Variants in NEDD4L observed in about 807,000 individuals in gnomAD.
NEDD4L encodes NEDD4 like E3 ubiquitin protein ligase, also known as E3 ubiquitin-protein ligase NEDD4-like.
In NEDD4L, 54 loss-of-function variants were observed where a neutral mutation model predicts 148.9. That is an observed-to-expected ratio of 0.36 (90% CI 0.29 to 0.45). The LOEUF is 0.45. NEDD4L is among the 20% of genes least tolerant of loss of function. The pLI, the probability that NEDD4L is intolerant of heterozygous loss-of-function variation, is 1.00. For synonymous variants in NEDD4L, 433 were observed against 440.7 expected, an observed-to-expected ratio of 0.98 and a Z score of 0.22; for missense variants, 856 against 1,233.8, an observed-to-expected ratio of 0.69 and a Z score of 4.59.
chr18:58,237,699 CAT>C (rs765786004), intron 2 of NEDD4L, among the ~76,000 whole-genome samples: 60 of 152,288 alleles, frequency 3.9e-4, no homozygotes, highest in Non-Finnish European at 5.1e-4. Context: ...TTAGTCAACA[CAT>C]GTGTACACAG....
At chr18:58,067,747 T>C (rs2082674127) in intron 1 of NEDD4L, among the ~76,000 whole-genome samples, 1 of 152,154 alleles carries the variant, frequency 6.6e-6, no homozygotes, top group South Asian at 2.1e-4. Context: ...GAGAAAGGAA[T>C]GTTGTACAGT....
At chr18:58,300,310 G>T (rs145097611) in intron 5 of NEDD4L, among the ~76,000 whole-genome samples, 1 of 152,290 alleles carries the variant, frequency 6.6e-6, no homozygotes, top group East Asian at 1.9e-4. Context: ...ATTGTGTGAT[G>T]CAAATAGGAG....
chr18:58,143,415 A>T (rs1006454350), intron 1 of NEDD4L, among the ~76,000 whole-genome samples: 1 of 152,202 alleles, frequency 6.6e-6, no homozygotes, highest in Non-Finnish European at 1.5e-5. Context: ...TGTGATTCTC[A>T]TAAGTATCTT....
chr18:58,348,125 A>T (rs1008283824), intron 16 of NEDD4L, among the ~76,000 whole-genome samples: 13 of 151,626 alleles, frequency 8.6e-5, no homozygotes, highest in Admixed American at 8.5e-4. Context: ...TCAGCCTTTC[A>T]GGTAGCTAAG....
At chr18:58,166,372 A>G (rs1184659535) in intron 2 of NEDD4L, among the ~76,000 whole-genome samples, 1 of 152,012 alleles carries the variant, frequency 6.6e-6, no homozygotes, top group Non-Finnish European at 1.5e-5. Flanking sequence ...CAGCTTTTTT[A>G]TTTTCAGTAT....
At chr18:58,322,322 C>A in intron 6 of NEDD4L, 103 bp from the exon 7 acceptor site, 1 of 831,762 alleles carries the variant, frequency 1.2e-6, no homozygotes, top group Non-Finnish European at 2.0e-6. Context: ...AGCGGTGCCA[C>A]ATTCTAAAAT....
intron 26 of NEDD4L, among the ~76,000 whole-genome samples, chr18:58,386,924 G>A (rs903895309): frequency 3.3e-5 from 5 of 152,172 alleles, no homozygotes; most frequent in South Asian, 2.1e-4. Context: ...TCAGAAACGC[G>A]GCGTTCGCAG....
intron 1 of NEDD4L, among the ~76,000 whole-genome samples, chr18:58,142,378 C>T (rs1019104502): frequency 6.6e-6 from 1 of 152,086 alleles, no homozygotes; most frequent in African/African-American, 2.4e-5. Flanking sequence ...TTTTAACCTT[C>T]CACTTTTAAG....
chr18:58,104,049 A>G (rs1823009254), intron 1 of NEDD4L, among the ~76,000 whole-genome samples: 1 of 152,260 alleles, frequency 6.6e-6, no homozygotes, highest in African/African-American at 2.4e-5. Flanking sequence ...CCAGTTATCC[A>G]TCAGTGGGTG....
chr18:58,256,727 G>C lies in NEDD4L; in HGVS notation c.297+4673G>C. ...GCCGGAAGAAGCTCCCCAGAATCCC[G>C]AGGAGAAAAGCGCCAAAAGCCCTGT... On this transcript the variant is annotated intron_variant, in intron 5 of 30. Coordinates refer to ENST00000400345, the MANE Select transcript of NEDD4L (RefSeq NM_001144967.3). This position sits in a 1 kb window ranked among gnomAD's most constrained non-coding sequence, Gnocchi z 5.2. 8.1e-7 allele frequency: 1 copy of C among 1,232,128 alleles called. No individual in the cohort carries two copies. The highest frequency in any genetic ancestry group is 1.0e-6 in the Non-Finnish European group (1 of 988,044). 76.3% of individuals were successfully genotyped at this position (1,232,128 alleles called of 1,614,324 possible). A position where few individuals can be genotyped will look rare whatever the true frequency, so the allele number is the denominator to read the frequency against.
intron 29 of NEDD4L, 90 bp from the exon 30 acceptor site, chr18:58,391,397 G>A (rs1374040112): frequency 2.9e-6 from 3 of 1,041,456 alleles, no homozygotes; most frequent in Admixed American, 2.0e-5. Flanking sequence ...GGCAAACCCT[G>A]CCCTGACAGT....
chr18:58,067,528 G>GA (rs987041900), intron 1 of NEDD4L, among the ~76,000 whole-genome samples: 7 of 152,262 alleles, frequency 4.6e-5, no homozygotes, highest in Admixed American at 2.6e-4. Flanking sequence ...GTGGTGTGGG[G>GA]GGCCTGCGAG....
At chr18:58,255,557 A>G (rs6566955) in intron 5 of NEDD4L, 374,986 of 1,230,982 alleles carry the variant, frequency 0.3, 57,640 homozygotes, top group African/African-American at 0.35. Flanking sequence ...TTTTCTTGGA[A>G]TTTGTGTCTT....
At chr18:58,336,435 G>C (rs1246675577) in intron 13 of NEDD4L, among the ~76,000 whole-genome samples, 1 of 152,062 alleles carries the variant, frequency 6.6e-6, no homozygotes, top group Non-Finnish European at 1.5e-5. Flanking sequence ...AAATTAGCCG[G>C]GCGTGGTGGT....
intron 1 of NEDD4L, among the ~76,000 whole-genome samples, chr18:58,059,621 C>T (rs1206797695): frequency 6.6e-6 from 1 of 152,164 alleles, no homozygotes; most frequent in Non-Finnish European, 1.5e-5. Context: ...TGGAATCTGC[C>T]AACCCACCTC....
At chr18:58,082,102 A>ATATATATATT in intron 1 of NEDD4L, among the ~76,000 whole-genome samples, 5 of 48,818 alleles carry the variant, frequency 1.0e-4, no homozygotes, top group South Asian at 1.0e-3. Flanking sequence ...ATATATATAT[A>ATATATATATT]TTTTTTTTTT....
At chr18:58,375,038 CCCA>C (rs2146400379) in intron 24 of NEDD4L, among the ~76,000 whole-genome samples, 1 of 152,266 alleles carries the variant, frequency 6.6e-6, no homozygotes, top group South Asian at 2.1e-4. Context: ...CTCCCCAGCC[CCCA>C]CATCGGTTAT....
chr18:58,157,634 C>CTGTA (rs578003726), intron 1 of NEDD4L, among the ~76,000 whole-genome samples: 53 of 152,122 alleles, frequency 3.5e-4, no homozygotes, highest in Middle Eastern at 3.4e-3. Flanking sequence ...CGCATTTTGA[C>CTGTA]TGTATTTATT....
At chr18:58,089,340 G>A (rs1160726868) in intron 1 of NEDD4L, among the ~76,000 whole-genome samples, 1 of 151,828 alleles carries the variant, frequency 6.6e-6, no homozygotes, top group Non-Finnish European at 1.5e-5. Flanking sequence ...TCACCATATT[G>A]GCCAGCCTGG....
Sources: gnomAD v4.1 joint callset for allele counts (sites outside exome capture counted in the v4.1 genomes callset) on GRCh38, gnomAD v4.1.1 for gene constraint, Gnocchi (gnomAD v3.1) non-coding constraint, MANE v1.5 for transcripts, NCBI Gene and HGNC (gene_info 2026-07-23, HGNC 2026-07-21) for gene names.